Variants in ABHD5 observed in about 807,000 individuals in gnomAD.
ABHD5 encodes 1-acylglycerol-3-phosphate O-acyltransferase ABHD5.
ABHD5 carries 30 observed loss-of-function variants against 44.9 expected under a neutral mutation model. The ratio of observed to expected loss-of-function variants is 0.67; its 90% CI spans 0.50 to 0.91. The LOEUF (loss-of-function observed/expected upper bound fraction) is 0.91, where lower values mean the gene tolerates loss of function less well. Ranked by LOEUF, ABHD5 falls within the 40% of genes least tolerant of loss-of-function variation. The pLI is 0.00. For missense variants in ABHD5, 399 were observed against 423.4 expected (o/e 0.94, Z 0.50); for synonymous variants, 167 against 147.0 (o/e 1.14, Z -0.99).
intron 2 of ABHD5, among the ~76,000 whole-genome samples, chr3:43,700,970 CA>C (rs200177883): frequency 6.6e-6 from 1 of 151,928 alleles, no homozygotes; most frequent in African/African-American, 2.4e-5. Flanking sequence ...TGTGATTTAC[CA>C]AAATAAAAAA....
At chr3:43,734,348 C>A (rs1697300074) in exon 8 of ABHD5, 1 of 152,028 alleles carries the variant, frequency 6.6e-6, no homozygotes. Context: ...AGTTAAACTT[C>A]AGATTAAACT....
intron 3 of ABHD5, among the ~76,000 whole-genome samples, chr3:43,709,112 A>G (rs1205517070): frequency 6.6e-6 from 1 of 152,236 alleles, no homozygotes; most frequent in African/African-American, 2.4e-5. Context: ...GTATATCCTT[A>G]ATAGACTAGG....
Position 43,702,467 on chromosome 3 carries a change from A to G in ABHD5, c.386A>G (p.Asn129Ser), listed in dbSNP as rs777375929. The change falls in exon 3 of 7, where the codon AAT becomes AGT. Residue 129 changes from asparagine (N) to serine (S), a missense_variant. Transcript: ENST00000644371. Reference protein sequence around the residue: ...RFDSDAEEVENQFVESIEEWR... With the variant: ...RFDSDAEEVESQFVESIEEWR... Reference sequence around the variant, plus strand: ...GACAGTGATGCAGAAGAAGTGGAGAATCAGTTTGTGGAATCCATTGAAGAG... The same window carrying G: ...GACAGTGATGCAGAAGAAGTGGAGAGTCAGTTTGTGGAATCCATTGAAGAG... The G allele has an allele frequency of 2.5e-5, 40 of 1,614,128 alleles. No homozygotes were observed. The highest frequency in any genetic ancestry group is 3.3e-5 in the Non-Finnish European group (39 of 1,180,050).
chr3:43,706,441 T>C (rs1453715888), intron 3 of ABHD5, among the ~76,000 whole-genome samples: 1 of 152,130 alleles, frequency 6.6e-6, no homozygotes, highest in African/African-American at 2.4e-5. Context: ...CTCTCTCTTT[T>C]TTCGATAATG....
At chr3:43,706,425 T>C (rs754738534) in intron 3 of ABHD5, among the ~76,000 whole-genome samples, 84 of 152,292 alleles carry the variant, frequency 5.5e-4, no homozygotes, top group Non-Finnish European at 1.1e-3. Context: ...TGTGCCTCTT[T>C]TGTCTCTCTC....
At chr3:43,699,466 T>A in intron 2 of ABHD5, 105 bp downstream of exon 2, 1 of 1,116,564 alleles carries the variant, frequency 9.0e-7, no homozygotes, top group African/African-American at 1.5e-5. Flanking sequence ...TGTTCATTGT[T>A]GGCAAAATAA....
rs773938714 is a variant in ABHD5, at chr3:43,721,735, A to G, written c.*3203A>G. The G allele has an allele frequency of 2.0e-5, 3 of 152,292 alleles. No individual in the cohort carries two copies. Among genetic ancestry groups the G allele is most frequent in the Middle Eastern group, 3.4e-3 (1 of 296 alleles). 9.4% of individuals were successfully genotyped at this position (152,292 alleles called of 1,614,324 possible). ...TTGGATAGCTGAAAATATTTGCAGC[A>G]TTTATCACAGAGGGCTAATTGTAGC... On this transcript the variant is annotated 3_prime_UTR_variant, in exon 7 of 7. Transcript: ENST00000644371.
intron 1 of ABHD5, among the ~76,000 whole-genome samples, chr3:43,692,677 T>A (rs1157392915): frequency 6.6e-6 from 1 of 152,224 alleles, no homozygotes; most frequent in Non-Finnish European, 1.5e-5. Context: ...GTATTATTGT[T>A]CCCATTTTGC....
At chr3:43,733,248 A>G (rs1451679307) in intron 7 of ABHD5, among the ~76,000 whole-genome samples, 3 of 152,172 alleles carry the variant, frequency 2.0e-5, no homozygotes, top group Middle Eastern at 3.2e-3. Context: ...ACACTCATTC[A>G]TAATAAGGCC....
chr3:43,704,321 G>A lies in ABHD5; in HGVS notation c.506+1734G>A, dbSNP rs145537027. 2.5e-3 allele frequency among the ~76,000 whole-genome samples: 385 copies of A among 152,278 alleles called. 2 individuals carry two copies. Among genetic ancestry groups the A allele is most frequent in the African/African-American group, 9.0e-3 (373 of 41,552 alleles). On this transcript the variant is annotated intron_variant, in intron 3 of 6. Coordinates refer to ENST00000644371, the MANE Select transcript of ABHD5 (RefSeq NM_016006.6). ...CCCAAAGTGTTGGGATTACAGGCAT[G>A]AGCCACCGCACCCGCTGGTGTTACT...
chr3:43,709,223 A>G (rs1057455956), intron 3 of ABHD5, among the ~76,000 whole-genome samples: 9 of 150,212 alleles, frequency 6.0e-5, no homozygotes, highest in Admixed American at 4.6e-4. Flanking sequence ...GAATTGAGCA[A>G]TTGTAGGGAC....
rs1244150105 is a variant in ABHD5, at chr3:43,720,407, A to G, written c.*1875A>G. On this transcript the variant is annotated 3_prime_UTR_variant, in exon 7 of 7. Transcript: ENST00000644371. ...GGAGTTTCTGGCCGCAGATGTGCCA[A>G]GTGATTGAAGAAAGATATACCCCAA... 7 of 152,166 alleles carry G rather than the reference A, an allele frequency of 4.6e-5. No homozygotes were observed. Among genetic ancestry groups the G allele is most frequent in the Non-Finnish European group, 7.3e-5 (5 of 68,036 alleles). The allele number at this position is 152,166 out of a possible 1,614,324, so 9.4% of individuals were successfully genotyped here.
At chr3:43,707,337 ACTTTT>A (rs1405573862) in intron 3 of ABHD5, among the ~76,000 whole-genome samples, 1 of 152,132 alleles carries the variant, frequency 6.6e-6, no homozygotes, top group Non-Finnish European at 1.5e-5. Flanking sequence ...TATCTTGAAT[ACTTTT>A]CTTTTGCCTG....
At chr3:43,714,921 C>A (rs760651220) in intron 4 of ABHD5, 26 bp from the exon 5 acceptor site, 2 of 1,514,468 alleles carry the variant, frequency 1.3e-6, no homozygotes, top group Non-Finnish European at 1.8e-6. Context: ...TTAAAACATG[C>A]ATTTTTTAAA....
In ABHD5 at chr3:43,720,308, A is replaced by G. The variant is rs1465446360; in HGVS notation, c.*1776A>G. The G allele has an allele frequency of 2.0e-5, 3 of 152,194 alleles. No individual in the cohort carries two copies. Among genetic ancestry groups the G allele is most frequent in the Non-Finnish European group, 2.9e-5 (2 of 68,050 alleles). 9.4% of individuals were successfully genotyped at this position (152,194 alleles called of 1,614,324 possible). ...TGGGAGAATGACAGGTTTCACTTAT[A>G]CAGGAAGGTTTTTGCACAGGAAATT... On this transcript the variant is annotated 3_prime_UTR_variant, in exon 7 of 7. Coordinates refer to ENST00000644371, the MANE Select transcript of ABHD5 (RefSeq NM_016006.6).
intron 6 of ABHD5, 137 bp downstream of exon 6, chr3:43,717,994 C>A: frequency 1.8e-6 from 2 of 1,102,908 alleles, no homozygotes. Context: ...GGACGTGATA[C>A]CACCTGTGAT....
exon 8 of ABHD5, chr3:43,734,267 C>G (rs1380785294): frequency 2.6e-5 from 4 of 152,224 alleles, no homozygotes; most frequent in Non-Finnish European, 5.9e-5. Context: ...AGAAAGCCTG[C>G]CCTCTTGCCT....
intron 7 of ABHD5, among the ~76,000 whole-genome samples, chr3:43,728,900 C>T (rs1226802728): frequency 6.6e-6 from 1 of 152,190 alleles, no homozygotes; most frequent in African/African-American, 2.4e-5. Flanking sequence ...AAGCAGTGGG[C>T]ATTCTCACTG....
intron 1 of ABHD5, among the ~76,000 whole-genome samples, chr3:43,696,913 TCA>T (rs1171819018): frequency 6.6e-6 from 1 of 152,076 alleles, no homozygotes; most frequent in Non-Finnish European, 1.5e-5. Flanking sequence ...CTTTAAAAAA[TCA>T]CCTGTTTTGA....
Sources: gnomAD v4.1 joint callset for allele counts (sites outside exome capture counted in the v4.1 genomes callset) on GRCh38, gnomAD v4.1.1 for gene constraint, MANE v1.5 for transcripts, NCBI Gene and HGNC (gene_info 2026-07-23, HGNC 2026-07-21) for gene names.